The following FOXP2 variants were observed in gnomAD, a reference collection of about 807,000 sequenced individuals.
FOXP2 encodes forkhead box P2.
FOXP2 carries 12 observed loss-of-function variants against 115.8 expected under a neutral mutation model. The ratio of observed to expected loss-of-function variants is 0.10; its 90% CI spans 0.07 to 0.17. FOXP2 has a LOEUF of 0.17. FOXP2 is among the 10% of genes least tolerant of loss of function. The pLI is 1.00. For missense variants in FOXP2, 629 were observed against 843.5 expected (o/e 0.75, Z 3.15); for synonymous variants, 328 against 297.7 (o/e 1.10, Z -1.05).
At chr7:114,657,814 C>G (rs1490010913) in intron 10 of FOXP2, among the ~76,000 whole-genome samples, 1 of 152,134 alleles carries the variant, frequency 6.6e-6, no homozygotes, top group Non-Finnish European at 1.5e-5. Context: ...TCGCTGAAGT[C>G]TGGTAGGACA....
chr7:114,105,768 G>T (rs1466890992), intron 1 of FOXP2, among the ~76,000 whole-genome samples: 2 of 151,988 alleles, frequency 1.3e-5, no homozygotes, highest in Non-Finnish European at 2.9e-5. Flanking sequence ...CTGACGAGAC[G>T]ATTAAGGCAG....
At chr7:114,626,037 C>A (rs1367931911) in intron 3 of FOXP2, among the ~76,000 whole-genome samples, 1 of 151,548 alleles carries the variant, frequency 6.6e-6, no homozygotes, top group Non-Finnish European at 1.5e-5. Context: ...AGAAGGTAGG[C>A]CAGAATCTGA....
chr7:114,397,982 GTT>G (rs575066334), intron 2 of FOXP2, among the ~76,000 whole-genome samples: 2 of 149,950 alleles, frequency 1.3e-5, no homozygotes, highest in African/African-American at 4.9e-5. Flanking sequence ...CGAAGATTAA[GTT>G]TTTTTTTTCT....
chr7:114,274,667 T>G (rs1437190262), intron 1 of FOXP2, among the ~76,000 whole-genome samples: 1 of 126,318 alleles, frequency 7.9e-6, no homozygotes, highest in Admixed American at 1.1e-4. Context: ...TGGGCTGGAG[T>G]GCAGTGGCAC....
intron 3 of FOXP2, among the ~76,000 whole-genome samples, chr7:114,565,063 TC>T (rs1800940058): frequency 6.6e-6 from 1 of 151,782 alleles, no homozygotes; most frequent in Admixed American, 6.6e-5. Flanking sequence ...AATATAATTC[TC>T]TTTTTTCTAA....
intron 1 of FOXP2, among the ~76,000 whole-genome samples, chr7:114,271,055 T>C (rs1351902790): frequency 1.3e-5 from 2 of 152,004 alleles, no homozygotes; most frequent in African/African-American, 4.8e-5. Flanking sequence ...TCTGTTCCTT[T>C]ATCAAAGTTA....
intron 8 of FOXP2, chr7:114,645,163 T>A (rs1251290217): frequency 7.5e-6 from 1 of 133,610 alleles, no homozygotes; most frequent in Non-Finnish European, 1.6e-5. Flanking sequence ...TATATATATA[T>A]ATATATATAT....
intron 1 of FOXP2, among the ~76,000 whole-genome samples, chr7:114,279,350 A>T (rs1796271425): frequency 2.0e-5 from 3 of 152,222 alleles, no homozygotes; most frequent in African/African-American, 7.2e-5. Context: ...CTGATAGAAC[A>T]TGAAAATCTG....
At chr7:114,429,963 A>G (rs983239377) in intron 2 of FOXP2, among the ~76,000 whole-genome samples, 1 of 151,610 alleles carries the variant, frequency 6.6e-6, no homozygotes, top group East Asian at 1.9e-4. Flanking sequence ...TAATTTGATC[A>G]AGGAAGTGCA....
At chr7:114,248,708 C>T (rs1338279814) in intron 1 of FOXP2, among the ~76,000 whole-genome samples, 1 of 152,116 alleles carries the variant, frequency 6.6e-6, no homozygotes, top group African/African-American at 2.4e-5. Flanking sequence ...GTGGGGTTGA[C>T]CGTTTAGTAG....
intron 2 of FOXP2, among the ~76,000 whole-genome samples, chr7:114,300,497 C>T (rs1796853217): frequency 6.6e-6 from 1 of 151,724 alleles, no homozygotes; most frequent in Non-Finnish European, 1.5e-5. Flanking sequence ...CAACTTTGTT[C>T]ATCAAACCCA....
intron 3 of FOXP2, among the ~76,000 whole-genome samples, chr7:114,601,735 T>C (rs976893515): frequency 6.6e-6 from 1 of 152,226 alleles, no homozygotes; most frequent in East Asian, 1.9e-4. Flanking sequence ...TTTTAACACA[T>C]AGATTACTTA....
At chr7:114,534,570 T>C in intron 2 of FOXP2, 47 bp from the exon 3 acceptor site, 1 of 1,511,234 alleles carries the variant, frequency 6.6e-7, no homozygotes, top group South Asian at 1.1e-5. Flanking sequence ...AATTGATAAC[T>C]TAACTTTCAA....
At chr7:114,267,667 C>T (rs1387200406) in intron 1 of FOXP2, among the ~76,000 whole-genome samples, 2 of 150,772 alleles carry the variant, frequency 1.3e-5, no homozygotes, top group Non-Finnish European at 2.9e-5. Context: ...GCAGAGGTTG[C>T]GGTGAGCCAA....
At chr7:114,467,220 C>G (rs1041083356) in intron 2 of FOXP2, among the ~76,000 whole-genome samples, 1 of 152,082 alleles carries the variant, frequency 6.6e-6, no homozygotes, top group African/African-American at 2.4e-5. Context: ...TTATGCTTGG[C>G]TACTACTAGA....
rs187305663 is a variant in FOXP2 at position 114,565,009 on chromosome 7, A to T, written c.258+30303A>T. On this transcript the variant is annotated intron_variant, in intron 3 of 16. Transcript: ENST00000350908. ...TAATTCATTAATAAATAGCATTAAT[A>T]TTTCACAAATGTAGCTTTTTAAATA... Among the ~76,000 whole-genome samples, 6 of 151,888 alleles carry T rather than the reference A, an allele frequency of 4.0e-5. No individual in the cohort carries two copies. In the East Asian group the frequency reaches 9.6e-4, roughly 24 times the overall value.
rs185245059 is a variant in FOXP2 at position 114,613,527 on chromosome 7, T to G, written c.259-15013T>G. On this transcript the variant is annotated intron_variant, in intron 3 of 16. Transcript: ENST00000350908. Reference sequence around the variant, plus strand: ...CGTCTCTACTAAAAATACAAAAAATTAGCCAGGCGTGGTGGCAGGTGCCTG... The same window carrying G: ...CGTCTCTACTAAAAATACAAAAAATGAGCCAGGCGTGGTGGCAGGTGCCTG... Among the ~76,000 whole-genome samples, 1,514 of 151,884 alleles carry G rather than the reference T, an allele frequency of 1.0e-2. 21 individuals carry two copies. Among genetic ancestry groups the G allele is most frequent in the African/African-American group, 0.035 (1,445 of 41,428 alleles).
At chr7:114,429,604 A>C (rs1794016516) in intron 2 of FOXP2, among the ~76,000 whole-genome samples, 1 of 151,570 alleles carries the variant, frequency 6.6e-6, no homozygotes, top group African/African-American at 2.4e-5. Flanking sequence ...AGGTCAAAAT[A>C]GTTGCTAAAA....
At chr7:114,239,556 G>A (rs1795099294) in intron 1 of FOXP2, among the ~76,000 whole-genome samples, 1 of 152,162 alleles carries the variant, frequency 6.6e-6, no homozygotes, top group South Asian at 2.1e-4. Flanking sequence ...TTGGGATTAA[G>A]TTGGAAGACA....
Sources: allele counts gnomAD v4.1 joint callset (sites outside exome capture counted in the v4.1 genomes callset), GRCh38; gene constraint gnomAD v4.1.1; transcripts MANE v1.5; gene names NCBI Gene and HGNC (gene_info 2026-07-23, HGNC 2026-07-21).